Variants in IAH1 observed in about 807,000 individuals in gnomAD.
IAH1 encodes isoamyl acetate hydrolyzing esterase 1 (putative), also known as isoamyl acetate-hydrolyzing esterase 1 homolog.
IAH1 carries 24 observed loss-of-function variants against 26.7 expected under a neutral mutation model. The ratio of observed to expected loss-of-function variants is 0.90; its 90% CI spans 0.65 to 1.26. The LOEUF (loss-of-function observed/expected upper bound fraction) is 1.26. Among genes scored for constraint, IAH1 ranks in the 50% most tolerant of loss-of-function variants. The pLI, the probability that IAH1 is intolerant of heterozygous loss-of-function variation, is 0.00. For missense variants in IAH1, 300 were observed against 299.9 expected (o/e 1.00, Z 0.00); for synonymous variants, 140 against 118.5 (o/e 1.18, Z -1.18).
chr2:9,490,301 T>C (rs1662016687), downstream of IAH1: 5 of 1,614,054 alleles, frequency 3.1e-6, no homozygotes, highest in Admixed American at 8.3e-5. Flanking sequence ...TGTGCTGCTA[T>C]TTGGGAAGGG....
chr2:9,490,539 T>C (rs184238621), downstream of IAH1: 36 of 1,597,926 alleles, frequency 2.3e-5, no homozygotes, highest in Admixed American at 2.7e-4. Flanking sequence ...ATGGGTTCAA[T>C]TGATTGATAG....
chr2:9,488,279 G>A lies in IAH1; in HGVS notation c.697G>A (p.Val233Ile), dbSNP rs1182410519. The A allele has an allele frequency of 1.2e-6, 2 of 1,613,280 alleles. No homozygotes were observed. Among genetic ancestry groups the A allele is most frequent in the Non-Finnish European group, 1.7e-6 (2 of 1,179,812 alleles). Residue 233 changes from valine to isoleucine, a missense_variant, in exon 6 of 6, where the codon GTA (valine) becomes ATA (isoleucine). Val to Ile is a conservative substitution (Grantham distance 29). Coordinates refer to ENST00000497473, the MANE Select transcript of IAH1 (RefSeq NM_001039613.3). The stretch of plus-strand genomic sequence containing the variant: ...TTTGCTGCTTCCTTACTGGCGGGAT[G>A]TAGCAGAAGCAAAACCTGAATTAAG... ...LPLLLPYWRD[V>I]AEAKPELSLL...
At chr2:9,492,499 C>T (rs1197121723), downstream of IAH1, among the ~76,000 whole-genome samples, 1 of 152,100 alleles carries the variant, frequency 6.6e-6, no homozygotes, top group Admixed American at 6.5e-5. Flanking sequence ...CCATCTGCTG[C>T]CAATAATCTA....
chr2:9,494,427 C>T (rs1572880014), downstream of IAH1, among the ~76,000 whole-genome samples: 1 of 152,188 alleles, frequency 6.6e-6, no homozygotes, highest in Non-Finnish European at 1.5e-5. Context: ...AGTCTCTGGG[C>T]TCAAAGCCTC....
intron 2 of IAH1, among the ~76,000 whole-genome samples, chr2:9,476,606 A>G (rs1660808208): frequency 6.6e-6 from 1 of 152,226 alleles, no homozygotes; most frequent in Non-Finnish European, 1.5e-5. Context: ...GTAGGGCAGT[A>G]CTATAGGATT....
In IAH1 at chr2:9,488,211, C is replaced by T. The variant is rs1558485847; in HGVS notation, c.629C>T (p.Ser210Leu). The T allele has an allele frequency of 3.1e-6, 5 of 1,613,196 alleles. No individual in the cohort carries two copies. The highest frequency in any genetic ancestry group is 2.2e-5 in the East Asian group (1 of 44,832). Residue 210 changes from serine to leucine, a missense_variant, in exon 6 of 6, where the codon TCG (serine) becomes TTG (leucine). Transcript: ENST00000497473. ...LSPKGNEFLF[S>L]HLWPLIEKKV... ...CCAAAGGGGAATGAATTTTTGTTCT[C>T]GCATCTCTGGCCTTTGATAGAGAAA...
Position 9,484,468 on chromosome 2 carries a change from AAT to A in IAH1, c.485_486del (p.Tyr162CysfsTer14). 1 of 1,614,186 alleles carries A rather than the reference AAT, an allele frequency of 6.2e-7. No homozygotes were observed. Among genetic ancestry groups the A allele is most frequent in the Non-Finnish European group, 8.5e-7 (1 of 1,180,012 alleles). ...AATCGCCTGAACTCTGTTGTTGGTG[AAT>A]ATGCCAATGCGTGTTTACAAGTGGC... On this transcript the variant is annotated frameshift_variant, in exon 5 of 6. Coordinates refer to ENST00000497473, the MANE Select transcript of IAH1 (RefSeq NM_001039613.3). LOFTEE classifies it high-confidence loss of function.
intron 4 of IAH1, among the ~76,000 whole-genome samples, chr2:9,482,032 C>CTTT (rs58813442): frequency 0.27 from 36,079 of 134,424 alleles, 5,529 homozygotes; most frequent in Middle Eastern, 0.33. Context: ...TGGAAGTTCT[C>CTTT]TTTTTTTTTT....
the IAH1 span, chr2:9,509,936 G>A: frequency 6.2e-7 from 1 of 1,607,030 alleles, no homozygotes; most frequent in East Asian, 2.2e-5. Flanking sequence ...ATTATACACA[G>A]CCTCTTTCCA....
chr2:9,480,732 G>C (rs1268140012), intron 3 of IAH1: 4 of 152,582 alleles, frequency 2.6e-5, no homozygotes, highest in African/African-American at 9.7e-5. Context: ...ACTTCAGTGA[G>C]AGCCTATCTA....
At chr2:9,475,119 CT>C in intron 1 of IAH1, 2 of 1,274,182 alleles carry the variant, frequency 1.6e-6, no homozygotes, top group Non-Finnish European at 2.0e-6. Context: ...AGGGGTTGAC[CT>C]TGGAAGTAAA....
At chr2:9,496,642 C>G (rs1235386097), downstream of IAH1, 1 of 156,262 alleles carries the variant, frequency 6.4e-6, no homozygotes, top group Non-Finnish European at 1.4e-5. Context: ...GGGGAGCAGA[C>G]CCAGCCTTCT....
At chr2:9,479,120 G>T (rs1661002374) in intron 3 of IAH1, among the ~76,000 whole-genome samples, 1 of 152,156 alleles carries the variant, frequency 6.6e-6, no homozygotes, top group Non-Finnish European at 1.5e-5. Flanking sequence ...CTAGGAGAAA[G>T]ATTACGTAGA....
At chr2:9,481,588 T>C (rs777474393) in intron 4 of IAH1, 141 bp downstream of exon 4, 20 of 738,374 alleles carry the variant, frequency 2.7e-5, no homozygotes, top group Non-Finnish European at 3.9e-5. Flanking sequence ...CAATCCAAAA[T>C]TATTAAATTA....
the IAH1 span, among the ~76,000 whole-genome samples, chr2:9,511,392 G>A: frequency 6.6e-6 from 1 of 152,114 alleles, no homozygotes; most frequent in African/African-American, 2.4e-5. Context: ...GGAGGTTGCA[G>A]TGAGCTGAGA....
At chr2:9,487,835 C>CGTGTGTGTGTGTGTGT (rs1452313099) in intron 5 of IAH1, among the ~76,000 whole-genome samples, 1 of 58,124 alleles carries the variant, frequency 1.7e-5, no homozygotes, top group East Asian at 2.8e-4. Context: ...TGTGTGTGTG[C>CGTGTGTGTGTGTGTGT]GCGCGCGCGC....
In IAH1 at chr2:9,484,442, A is replaced by T; in HGVS notation, c.456A>T (p.Leu152=). ...TCTTCTCTTCAATAGGTTGCAAACTAAATCGCCTGAACTCTGTTGTTGGTG... is the reference window on the plus strand; with the variant it reads ...TCTTCTCTTCAATAGGTTGCAAACTTAATCGCCTGAACTCTGTTGTTGGTG... The part of the protein sequence containing the change: ...EEQCIIQGCK[L]NRLNSVVGEY... Residue 152 remains leucine, a synonymous_variant, in exon 5 of 6, where the codon CTA becomes CTT. Transcript: ENST00000497473. The T allele has an allele frequency of 1.2e-6, 2 of 1,614,078 alleles. No homozygotes were observed. Among genetic ancestry groups the T allele is most frequent in the Non-Finnish European group, 1.7e-6 (2 of 1,179,902 alleles).
chr2:9,491,577 C>T (rs1465170363), downstream of IAH1, among the ~76,000 whole-genome samples: 3 of 132,386 alleles, frequency 2.3e-5, no homozygotes, highest in East Asian at 1.9e-4. Flanking sequence ...CGCACTGCCC[C>T]GGCCCATGGC....
At chr2:9,502,210 C>T in the IAH1 span, 13 of 1,613,948 alleles carry the variant, frequency 8.1e-6, no homozygotes, top group African/African-American at 2.7e-5. Flanking sequence ...TAGCATTAAT[C>T]GCCTCCTGGC....
Sources: allele counts gnomAD v4.1 joint callset (sites outside exome capture counted in the v4.1 genomes callset), GRCh38; gene constraint gnomAD v4.1.1; transcripts MANE v1.5; gene names NCBI Gene and HGNC (gene_info 2026-07-23, HGNC 2026-07-21).